The following GNAL variants were observed in gnomAD, a reference collection of about 807,000 sequenced individuals.
GNAL encodes the protein G protein subunit alpha L.
In GNAL, 18 loss-of-function variants were observed where a neutral mutation model predicts 55.1. The observed-to-expected ratio is 0.33, with a 90% CI of 0.23 to 0.48. The LOEUF (loss-of-function observed/expected upper bound fraction) is 0.48, where lower values mean the gene tolerates loss of function less well. Ranked by LOEUF, GNAL falls within the 20% of genes least tolerant of loss-of-function variation. The pLI, the probability that GNAL is intolerant of heterozygous loss-of-function variation, is 0.99. For missense variants in GNAL, 412 were observed against 614.1 expected (o/e 0.67, Z 3.48); for synonymous variants, 253 against 237.0 (o/e 1.07, Z -0.62).
Position 11,867,126 on chromosome 18 carries a change from C to G in GNAL, c.852-42C>G, listed in dbSNP as rs756700864. ...AAGCAAGCACGTTTGCCATTGTCCC[C>G]TGCTTCCCCCAAATAATTGTGTTCC... On this transcript the variant is annotated intron_variant, in intron 7 of 11. Transcript: ENST00000334049. 2.7e-6 allele frequency: 4 copies of G among 1,504,468 alleles called. No individual in the cohort carries two copies. The South Asian group carries it at 4.5e-5, about 17-fold the overall frequency. 93.2% of individuals were successfully genotyped at this position (1,504,468 alleles called of 1,614,324 possible).
chr18:11,770,075 A>G (rs2033586222), intron 4 of GNAL, among the ~76,000 whole-genome samples: 1 of 152,206 alleles, frequency 6.6e-6, no homozygotes, highest in African/African-American at 2.4e-5. Context: ...GTGGTGTACT[A>G]TAAAAGCAAA....
chr18:11,829,370 T>C (rs1401940041), intron 5 of GNAL, among the ~76,000 whole-genome samples: 1 of 152,214 alleles, frequency 6.6e-6, no homozygotes, highest in Non-Finnish European at 1.5e-5. Context: ...TTGTTTTTCC[T>C]ATAGGGTCAG....
chr18:11,794,607 G>A (rs1328268898), intron 4 of GNAL, among the ~76,000 whole-genome samples: 1 of 152,076 alleles, frequency 6.6e-6, no homozygotes. Context: ...CACCTGGTGG[G>A]CACAGGATTT....
At position 11,884,216 on chromosome 18, in the gene GNAL, T is replaced by TTGA; in HGVS notation, c.*3083_*3085dup. On this transcript the variant is annotated 3_prime_UTR_variant, in exon 12 of 12. Transcript: ENST00000334049. ...ATGCAACCTTTGATGATACATATATTTGATAAAAATGAGAAAACAGATTTG... is the reference window on the plus strand; with the variant it reads ...ATGCAACCTTTGATGATACATATATTTGATGATAAAAATGAGAAAACAGATTTG... 1 of 514,750 alleles carries TTGA rather than the reference T, an allele frequency of 1.9e-6. No homozygotes were observed. The highest frequency in any genetic ancestry group is 3.2e-5 in the Admixed American group (1 of 30,968). 31.9% of individuals were successfully genotyped at this position (514,750 alleles called of 1,614,324 possible).
intron 1 of GNAL, among the ~76,000 whole-genome samples, chr18:11,718,311 T>C (rs1020305976): frequency 6.6e-6 from 1 of 152,180 alleles, no homozygotes; most frequent in African/African-American, 2.4e-5. Flanking sequence ...GACCGGCATT[T>C]ATCGTTATCT....
At chr18:11,781,104 T>G (rs980449083) in intron 4 of GNAL, among the ~76,000 whole-genome samples, 1 of 152,232 alleles carries the variant, frequency 6.6e-6, no homozygotes, top group African/African-American at 2.4e-5. Flanking sequence ...ACTACCAGTG[T>G]TTCTTACGGC....
intron 4 of GNAL, among the ~76,000 whole-genome samples, chr18:11,818,769 G>A (rs1056682218): frequency 6.6e-6 from 1 of 152,244 alleles, no homozygotes; most frequent in Non-Finnish European, 1.5e-5. Flanking sequence ...AATGAAAGCA[G>A]TAGGAAAGTC....
intron 11 of GNAL, among the ~76,000 whole-genome samples, chr18:11,878,953 A>G (rs1432722213): frequency 1.4e-5 from 2 of 138,486 alleles, no homozygotes; most frequent in African/African-American, 5.3e-5. Flanking sequence ...AAAAAGATAT[A>G]TAACTGGTTG....
In GNAL at chr18:11,879,601, T is replaced by G. The variant is rs545165194; in HGVS notation, c.1231-1388T>G. On this transcript the variant is annotated intron_variant, in intron 11 of 11. Transcript: ENST00000334049. ...CCTAATGACCTCATTTTACCGTAAT[T>G]GCCTCTGTAAAGGCCTTATCTCCAA... 2.1e-3 allele frequency among the ~76,000 whole-genome samples: 315 copies of G among 152,252 alleles called. 2 individuals are homozygous for G. The highest frequency in any genetic ancestry group is 7.2e-3 in the African/African-American group (301 of 41,544).
intron 4 of GNAL, among the ~76,000 whole-genome samples, chr18:11,777,540 A>G (rs570172347): frequency 6.6e-6 from 1 of 152,336 alleles, no homozygotes; most frequent in South Asian, 2.1e-4. Context: ...TCTTCATTTG[A>G]GCAGGACAGT....
chr18:11,693,107 A>G (rs1951828484), intron 1 of GNAL, among the ~76,000 whole-genome samples: 1 of 152,142 alleles, frequency 6.6e-6, no homozygotes, highest in Non-Finnish European at 1.5e-5. Flanking sequence ...TTGTGACAAT[A>G]TAGTGTTGTT....
intron 4 of GNAL, among the ~76,000 whole-genome samples, chr18:11,812,803 A>G (rs1229031656): frequency 6.6e-6 from 1 of 152,084 alleles, no homozygotes. Flanking sequence ...AGCTCGCACC[A>G]CTGCACTCCA....
chr18:11,756,593 G>A (rs1226412640), intron 4 of GNAL, among the ~76,000 whole-genome samples: 1 of 151,778 alleles, frequency 6.6e-6, no homozygotes, highest in Non-Finnish European at 1.5e-5. Flanking sequence ...GGAAATTAAT[G>A]TTAAATATGC....
At chr18:11,815,826 A>T (rs939273885) in intron 4 of GNAL, among the ~76,000 whole-genome samples, 1 of 152,212 alleles carries the variant, frequency 6.6e-6, no homozygotes, top group Non-Finnish European at 1.5e-5. Flanking sequence ...TTTTATTTTT[A>T]AAAAACTCAA....
chr18:11,802,659 A>G (rs1037279957), intron 4 of GNAL, among the ~76,000 whole-genome samples: 1 of 152,214 alleles, frequency 6.6e-6, no homozygotes, highest in African/African-American at 2.4e-5. Flanking sequence ...TCTAGCTACT[A>G]TGAATTAAAA....
At chr18:11,770,171 T>G (rs192824800) in intron 4 of GNAL, among the ~76,000 whole-genome samples, 1 of 152,194 alleles carries the variant, frequency 6.6e-6, no homozygotes, top group Non-Finnish European at 1.5e-5. Context: ...TTGTACATTT[T>G]TAATTGAGTT....
chr18:11,790,661 CTTTTTTTTT>C (rs397941591), intron 4 of GNAL, among the ~76,000 whole-genome samples: 10 of 71,466 alleles, frequency 1.4e-4, no homozygotes, highest in African/African-American at 3.4e-4. Flanking sequence ...CTTTTTTTTT[CTTTTTTTTT>C]TTTTTTGAGA....
chr18:11,820,316 T>C (rs1055523097), intron 4 of GNAL, among the ~76,000 whole-genome samples: 22 of 152,176 alleles, frequency 1.4e-4, no homozygotes, highest in Non-Finnish European at 2.2e-4. Context: ...TTGATCCCTA[T>C]CAGAATCCTA....
At chr18:11,871,982 A>G (rs574397449) in intron 9 of GNAL, among the ~76,000 whole-genome samples, 1 of 152,356 alleles carries the variant, frequency 6.6e-6, no homozygotes, top group African/African-American at 2.4e-5. Flanking sequence ...AAAGTGTCAA[A>G]TGCTCCGACA....
Sources: allele counts gnomAD v4.1 joint callset (sites outside exome capture counted in the v4.1 genomes callset), GRCh38; gene constraint gnomAD v4.1.1; transcripts MANE v1.5; gene names NCBI Gene and HGNC (gene_info 2026-07-23, HGNC 2026-07-21).